The following ROBO1 variants were observed in gnomAD, a reference collection of about 807,000 sequenced individuals.
ROBO1 encodes the protein roundabout guidance receptor 1, also known as roundabout homolog 1.
ROBO1 carries 149 observed loss-of-function variants against 195.9 expected under a neutral mutation model. The observed-to-expected ratio is 0.76, with a 90% CI of 0.67 to 0.87. The LOEUF (loss-of-function observed/expected upper bound fraction) is 0.87. ROBO1 is among the 40% of genes least tolerant of loss of function. The probability of loss-of-function intolerance (pLI) is 0.00; values close to 1 mark genes in which losing one functional copy is unlikely to be tolerated. For synonymous variants in ROBO1, 816 were observed against 733.2 expected, an observed-to-expected ratio of 1.11 and a Z score of -1.82; for missense variants, 1,933 against 2,068.3, an observed-to-expected ratio of 0.93 and a Z score of 1.27.
chr3:79,130,017 T>G (rs2080298115), intron 2 of ROBO1, among the ~76,000 whole-genome samples: 3 of 85,992 alleles, frequency 3.5e-5, no homozygotes, highest in Admixed American at 1.4e-4. Flanking sequence ...TTCTGAGGGC[T>G]CTGTTCTGTT....
At chr3:78,828,960 T>A (rs1290555151) in intron 4 of ROBO1, among the ~76,000 whole-genome samples, 3 of 152,214 alleles carry the variant, frequency 2.0e-5, no homozygotes, top group African/African-American at 7.2e-5. Context: ...ATAAACTATT[T>A]AATGTTAGAA....
intron 4 of ROBO1, among the ~76,000 whole-genome samples, chr3:78,896,903 C>G (rs1157986119): frequency 1.3e-5 from 2 of 152,056 alleles, no homozygotes; most frequent in African/African-American, 4.8e-5. Flanking sequence ...ACCACTAATC[C>G]TAACAATGAA....
At chr3:79,268,053 G>A (rs1044627763) in intron 2 of ROBO1, among the ~76,000 whole-genome samples, 1 of 151,636 alleles carries the variant, frequency 6.6e-6, no homozygotes, top group Non-Finnish European at 1.5e-5. Flanking sequence ...AAGAAAAATA[G>A]TCAGAAAAAT....
intron 1 of ROBO1, among the ~76,000 whole-genome samples, chr3:79,717,982 A>C (rs1038846516): frequency 1.3e-5 from 2 of 152,032 alleles, no homozygotes; most frequent in African/African-American, 4.8e-5. Flanking sequence ...GGAAGGATAA[A>C]GTGGAACATC....
chr3:79,273,957 A>T (rs2030797514), intron 2 of ROBO1, among the ~76,000 whole-genome samples: 1 of 152,034 alleles, frequency 6.6e-6, no homozygotes, highest in Admixed American at 6.6e-5. Context: ...ATTCAGCAAG[A>T]GGATACAACA....
At chr3:78,656,962 C>T (rs1279342517) in intron 18 of ROBO1, 136 bp downstream of exon 18, 2 of 787,708 alleles carry the variant, frequency 2.5e-6, no homozygotes, top group African/African-American at 3.5e-5. Flanking sequence ...AAAGCTAACA[C>T]CTTTTTGTAG....
chr3:79,309,679 G>C (rs2033390748), intron 2 of ROBO1, among the ~76,000 whole-genome samples: 1 of 152,068 alleles, frequency 6.6e-6, no homozygotes, highest in African/African-American at 2.4e-5. Context: ...TGTGAAGTTT[G>C]TGGAAGTCTG....
chr3:79,192,008 C>G (rs1377277178), intron 2 of ROBO1, among the ~76,000 whole-genome samples: 1 of 151,438 alleles, frequency 6.6e-6, no homozygotes, highest in Non-Finnish European at 1.5e-5. Context: ...ATAGTAGTTT[C>G]AATATCTGTA....
chr3:78,935,210 T>C (rs942485125), intron 4 of ROBO1, among the ~76,000 whole-genome samples: 1 of 152,074 alleles, frequency 6.6e-6, no homozygotes, highest in Non-Finnish European at 1.5e-5. Flanking sequence ...GCAAAATACA[T>C]ATACACTTTT....
At chr3:78,670,384 C>T in intron 10 of ROBO1, 83 bp from the exon 11 acceptor site, 2 of 1,168,614 alleles carry the variant, frequency 1.7e-6, no homozygotes, top group East Asian at 2.6e-5. Flanking sequence ...TTGTTCTAGG[C>T]TTTGAAACAA....
intron 2 of ROBO1, among the ~76,000 whole-genome samples, chr3:79,182,986 C>G (rs2108736765): frequency 6.7e-6 from 1 of 150,152 alleles, no homozygotes; most frequent in East Asian, 2.0e-4. Flanking sequence ...GAGGCTGAGG[C>G]AGGAGAATCG....
chr3:79,196,213 G>C (rs947636808), intron 2 of ROBO1, among the ~76,000 whole-genome samples: 1 of 150,652 alleles, frequency 6.6e-6, no homozygotes, highest in Non-Finnish European at 1.5e-5. Context: ...AGACTTGGTG[G>C]TTTTCTCAGA....
chr3:79,658,168 A>G (rs1463012620), intron 1 of ROBO1, among the ~76,000 whole-genome samples: 1 of 152,130 alleles, frequency 6.6e-6, no homozygotes, highest in Admixed American at 6.6e-5. Context: ...TTCATATTTG[A>G]CAGCTTGAAT....
chr3:78,839,707 C>G lies in ROBO1; in HGVS notation c.500-92807G>C, dbSNP rs181356301. On this transcript the variant is annotated intron_variant, in intron 4 of 30. Coordinates refer to ENST00000464233, the MANE Select transcript of ROBO1 (RefSeq NM_002941.4). ...AACTAAATCTTTACAGACTGAAAAT[C>G]CCAGCCTTGTCACTATGTAAGGATA... Among the ~76,000 whole-genome samples the G allele has an allele frequency of 1.7e-3, 257 of 152,222 alleles. 1 individual carries two copies. Among genetic ancestry groups the G allele is most frequent in the Non-Finnish European group, 2.8e-3 (191 of 68,000 alleles).
intron 3 of ROBO1, among the ~76,000 whole-genome samples, chr3:79,099,766 C>T (rs1051582247): frequency 3.3e-5 from 5 of 151,528 alleles, no homozygotes; most frequent in Non-Finnish European, 7.4e-5. Context: ...GTATATATTG[C>T]CTTGTTTGTA....
chr3:78,767,536 G>A (rs1199883144), intron 4 of ROBO1, among the ~76,000 whole-genome samples: 2 of 152,172 alleles, frequency 1.3e-5, no homozygotes, highest in African/African-American at 4.8e-5. Flanking sequence ...AAAATGCTGG[G>A]ATTACAGGCA....
intron 1 of ROBO1, among the ~76,000 whole-genome samples, chr3:79,736,165 A>G (rs551633992): frequency 7.2e-5 from 11 of 152,282 alleles, no homozygotes; most frequent in Admixed American, 3.9e-4. Flanking sequence ...TCCCTTGAAA[A>G]TCTGGAGAGA....
intron 1 of ROBO1, among the ~76,000 whole-genome samples, chr3:79,637,573 T>C (rs1450756918): frequency 5.3e-5 from 8 of 152,144 alleles, no homozygotes; most frequent in African/African-American, 1.2e-4. Flanking sequence ...TCATCCTTTA[T>C]GGTGATGTAA....
chr3:78,861,847 A>G (rs545595167), intron 4 of ROBO1, among the ~76,000 whole-genome samples: 55 of 152,156 alleles, frequency 3.6e-4, no homozygotes, highest in Non-Finnish European at 7.3e-4. Context: ...TAAGCATCCT[A>G]TGATATTTAA....
Sources: gnomAD v4.1 joint callset for allele counts (sites outside exome capture counted in the v4.1 genomes callset) on GRCh38, gnomAD v4.1.1 for gene constraint, MANE v1.5 for transcripts, NCBI Gene and HGNC (gene_info 2026-07-23, HGNC 2026-07-21) for gene names.